The following PLXDC2 variants were observed in gnomAD, a reference collection of about 807,000 sequenced individuals.
PLXDC2 encodes the protein plexin domain-containing protein 2.
A neutral mutation model predicts 68.9 loss-of-function variants in PLXDC2; 40 were observed. The ratio of observed to expected loss-of-function variants is 0.58; its 90% CI spans 0.45 to 0.76. PLXDC2 has a LOEUF of 0.76. PLXDC2 is among the 30% of genes least tolerant of loss of function. The pLI, the probability that PLXDC2 is intolerant of heterozygous loss-of-function variation, is 0.00. For missense variants in PLXDC2, 644 were observed against 661.9 expected, an observed-to-expected ratio of 0.97 and a Z score of 0.30; for synonymous variants, 243 against 234.2, an observed-to-expected ratio of 1.04 and a Z score of -0.34.
chr10:20,094,098 A>T (rs190866297), intron 4 of PLXDC2, among the ~76,000 whole-genome samples: 1 of 152,318 alleles, frequency 6.6e-6, no homozygotes, highest in East Asian at 1.9e-4. Context: ...AAAACTTAGG[A>T]ATAGAGGAAA....
At chr10:20,195,523 A>G (rs1834826051) in intron 9 of PLXDC2, among the ~76,000 whole-genome samples, 2 of 152,178 alleles carry the variant, frequency 1.3e-5, no homozygotes, top group African/African-American at 4.8e-5. Flanking sequence ...GGTCTTCTCT[A>G]TTCATTTATT....
rs561827865 is a variant in PLXDC2 at position 20,289,515 on chromosome 10, G to A, written c.*9696G>A. The A allele has an allele frequency of 6.6e-6, 1 of 152,320 alleles. No homozygotes were observed. The highest frequency in any genetic ancestry group is 1.9e-4 in the East Asian group (1 of 5,184). The allele number at this position is 152,320 out of a possible 1,614,324, so 9.4% of individuals were successfully genotyped here. A position where few individuals can be genotyped will look rare whatever the true frequency, so the allele number is the denominator to read the frequency against. On this transcript the variant is annotated 3_prime_UTR_variant, in exon 14 of 14. Coordinates refer to ENST00000377252, the MANE Select transcript of PLXDC2 (RefSeq NM_032812.9). ...TCCTTCTTCCAAACTGGAAATGGCT[G>A]TATCTAATTCTCAGGATATTTTGGA...
At chr10:20,154,702 T>G (rs1834196083) in intron 6 of PLXDC2, among the ~76,000 whole-genome samples, 1 of 152,184 alleles carries the variant, frequency 6.6e-6, no homozygotes, top group Non-Finnish European at 1.5e-5. Flanking sequence ...TCTATTCTCT[T>G]GATATACTTG....
intron 8 of PLXDC2, 58 bp downstream of exon 8, chr10:20,177,152 C>T (rs1834538986): frequency 1.4e-6 from 2 of 1,420,110 alleles, no homozygotes; most frequent in Non-Finnish European, 2.0e-6. Flanking sequence ...ATGATCTGAT[C>T]TGTTCAATAG....
chr10:19,998,764 C>A (rs1454065323), intron 1 of PLXDC2, among the ~76,000 whole-genome samples: 2 of 151,702 alleles, frequency 1.3e-5, no homozygotes, highest in East Asian at 3.9e-4. Flanking sequence ...TCAATGGTAA[C>A]AGCAAGCGAG....
At chr10:19,982,467 C>T (rs531184490) in intron 1 of PLXDC2, among the ~76,000 whole-genome samples, 5 of 152,242 alleles carry the variant, frequency 3.3e-5, no homozygotes, top group African/African-American at 7.2e-5. Context: ...TCTTTGCAGC[C>T]TAATCCAGAA....
chr10:19,990,561 A>G (rs1229986768), intron 1 of PLXDC2, among the ~76,000 whole-genome samples: 1 of 152,222 alleles, frequency 6.6e-6, no homozygotes, highest in Non-Finnish European at 1.5e-5. Flanking sequence ...TACTTCTGAA[A>G]TGTGAGTTTC....
intron 1 of PLXDC2, among the ~76,000 whole-genome samples, chr10:19,933,419 A>G (rs1167885463): frequency 1.3e-5 from 2 of 152,032 alleles, no homozygotes; most frequent in African/African-American, 4.8e-5. Context: ...GTGGATCACG[A>G]GGTCAGGAGT....
chr10:20,123,839 G>C (rs1833733291), intron 4 of PLXDC2, among the ~76,000 whole-genome samples: 1 of 151,856 alleles, frequency 6.6e-6, no homozygotes, highest in Admixed American at 6.6e-5. Flanking sequence ...AGAGATATAA[G>C]AGGTTGGGGC....
intron 2 of PLXDC2, among the ~76,000 whole-genome samples, chr10:20,008,154 T>G (rs1192340790): frequency 1.3e-5 from 2 of 152,248 alleles, no homozygotes; most frequent in African/African-American, 4.8e-5. Context: ...TACCAGTTGC[T>G]AATTGCTGTA....
At position 20,279,815 on chromosome 10, in the gene PLXDC2, G is replaced by A. The variant is rs1836057937; in HGVS notation, c.1586G>A (p.Cys529Tyr). The change falls in exon 14 of 14, where the codon TGC (cysteine) becomes TAC (tyrosine). Residue 529 changes from cysteine to tyrosine, a missense_variant. Coordinates refer to ENST00000377252, the MANE Select transcript of PLXDC2 (RefSeq NM_032812.9). ...EKEGFIVSEQ[C>Y] ...GAAGGCTTTATTGTATCAGAGCAGTGCTAAAATTTCTAGGACAGAACAACA... is the reference window on the plus strand; with the variant it reads ...GAAGGCTTTATTGTATCAGAGCAGTACTAAAATTTCTAGGACAGAACAACA... 4 of 1,613,582 alleles carry A rather than the reference G, an allele frequency of 2.5e-6. No individual in the cohort carries two copies. Among genetic ancestry groups the A allele is most frequent in the Non-Finnish European group, 3.4e-6 (4 of 1,179,632 alleles).
At chr10:20,102,033 C>A (rs1428902126) in intron 4 of PLXDC2, among the ~76,000 whole-genome samples, 1 of 152,050 alleles carries the variant, frequency 6.6e-6, no homozygotes, top group African/African-American at 2.4e-5. Context: ...AACTCCTGAC[C>A]TCATTTGATC....
intron 12 of PLXDC2, among the ~76,000 whole-genome samples, chr10:20,225,288 T>G (rs1485382903): frequency 6.6e-6 from 1 of 152,216 alleles, no homozygotes; most frequent in Non-Finnish European, 1.5e-5. Context: ...TGTCTAGTCA[T>G]TTGTCATTCA....
At chr10:20,266,426 C>T (rs993935800) in intron 13 of PLXDC2, among the ~76,000 whole-genome samples, 30 of 149,394 alleles carry the variant, frequency 2.0e-4, no homozygotes, top group African/African-American at 6.6e-4. Flanking sequence ...TTGAAAATTA[C>T]AGCAGTACCC....
intron 4 of PLXDC2, among the ~76,000 whole-genome samples, chr10:20,092,143 C>T (rs905446445): frequency 6.6e-6 from 1 of 152,196 alleles, no homozygotes; most frequent in African/African-American, 2.4e-5. Flanking sequence ...GAAAGGATCA[C>T]AGTCCTTTCA....
chr10:19,948,199 A>G (rs1833934680), intron 1 of PLXDC2, among the ~76,000 whole-genome samples: 1 of 152,178 alleles, frequency 6.6e-6, no homozygotes, highest in Non-Finnish European at 1.5e-5. Flanking sequence ...GGCTCCAGAC[A>G]TTCAGCATAT....
chr10:20,246,174 G>A (rs760039023), intron 13 of PLXDC2, among the ~76,000 whole-genome samples: 10 of 152,166 alleles, frequency 6.6e-5, no homozygotes, highest in Non-Finnish European at 1.0e-4. Flanking sequence ...ATGCCAAGGA[G>A]CAAACAGGTG....
chr10:19,851,831 A>T (rs901085894), intron 1 of PLXDC2, among the ~76,000 whole-genome samples: 1 of 152,202 alleles, frequency 6.6e-6, no homozygotes, highest in African/African-American at 2.4e-5. Flanking sequence ...TACAGGCATG[A>T]GCCACTGCAC....
At chr10:19,859,661 T>A (rs1346645627) in intron 1 of PLXDC2, among the ~76,000 whole-genome samples, 2 of 152,166 alleles carry the variant, frequency 1.3e-5, no homozygotes, top group Admixed American at 1.3e-4. Context: ...TTTTAAGGAA[T>A]CTTAGAAATC....
Sources: allele counts gnomAD v4.1 joint callset (sites outside exome capture counted in the v4.1 genomes callset), GRCh38; gene constraint gnomAD v4.1.1; transcripts MANE v1.5; gene names NCBI Gene and HGNC (gene_info 2026-07-23, HGNC 2026-07-21).